The following XRN1 variants were observed in gnomAD, a reference collection of about 807,000 sequenced individuals.
XRN1 encodes the protein strand-exchange protein 1 homolog.
In XRN1, 67 loss-of-function variants were observed where a neutral mutation model predicts 222.3. That is an observed-to-expected ratio of 0.30 (90% CI 0.25 to 0.37). XRN1 has a LOEUF of 0.37. Among genes scored for constraint, XRN1 ranks in the 10% least tolerant of loss-of-function variants. The pLI is 1.00. For synonymous variants in XRN1, 643 were observed against 652.4 expected (o/e 0.99, Z 0.22); for missense variants, 1,707 against 2,000.2 (o/e 0.85, Z 2.80).
At chr3:142,348,823 G>T (rs527901784) in intron 32 of XRN1, among the ~76,000 whole-genome samples, 30 of 152,094 alleles carry the variant, frequency 2.0e-4, no homozygotes, top group Non-Finnish European at 4.0e-4. Context: ...TTTTTTTGTA[G>T]AGACAGGGAT....
In XRN1 at chr3:142,325,865, G is replaced by A. The variant is rs184928179; in HGVS notation, c.4404+3569C>T. 1.0e-3 allele frequency among the ~76,000 whole-genome samples: 153 copies of A among 152,192 alleles called. 1 individual carries two copies. Among genetic ancestry groups the A allele is most frequent in the African/African-American group, 3.5e-3 (144 of 41,546 alleles). On this transcript the variant is annotated intron_variant, in intron 37 of 40. Coordinates refer to ENST00000392981, the MANE Select transcript of XRN1 (RefSeq NM_001282857.2). Reference sequence around the variant, plus strand: ...GAAAATGGTGAGAGATAAGCACTTAGTTTCATTCCCTTAAATATGGATATC... The same window carrying A: ...GAAAATGGTGAGAGATAAGCACTTAATTTCATTCCCTTAAATATGGATATC...
chr3:142,426,785 A>C lies in XRN1; in HGVS notation c.365T>G (p.Leu122Arg), dbSNP rs567615825. Residue 122 changes from leucine to arginine, a missense_variant, in exon 3 of 41, where the codon CTT becomes CGT. Physicochemically the swap from Leu to Arg is moderately radical, Grantham distance 102. Transcript: ENST00000392981. The part of the protein sequence containing the change: ...IKKAIEKGET[L>R]PTEARFDSNC... ...GGAATCAAATCTGGCCTCTGTAGGAAGAGTTTCTCCCTTCTCTATTGCCTT... is the reference window on the plus strand; with the variant it reads ...GGAATCAAATCTGGCCTCTGTAGGACGAGTTTCTCCCTTCTCTATTGCCTT... The C allele has an allele frequency of 6.2e-7, 1 of 1,613,858 alleles. No homozygotes were observed. The highest frequency in any genetic ancestry group is 1.1e-5 in the South Asian group (1 of 91,070).
intron 1 of XRN1, among the ~76,000 whole-genome samples, chr3:142,439,890 A>G (rs1213483459): frequency 1.3e-5 from 2 of 152,192 alleles, no homozygotes; most frequent in African/African-American, 4.8e-5. Flanking sequence ...TTTAAAAAAG[A>G]TTGTCCAAGT....
chr3:142,364,923 CAT>C, intron 29 of XRN1, 122 bp downstream of exon 29: 1 of 1,009,330 alleles, frequency 9.9e-7, no homozygotes, highest in East Asian at 3.3e-5. Context: ...TTAACTAAAA[CAT>C]AAAAAGATTG....
chr3:142,411,409 T>G (rs979670210), intron 15 of XRN1, among the ~76,000 whole-genome samples: 7 of 152,164 alleles, frequency 4.6e-5, no homozygotes, highest in Admixed American at 1.3e-4. Context: ...TCTATCTTCT[T>G]AAGTTAGAAG....
chr3:142,333,566 A>G (rs919411993), intron 34 of XRN1, among the ~76,000 whole-genome samples: 1 of 152,164 alleles, frequency 6.6e-6, no homozygotes, highest in African/African-American at 2.4e-5. Flanking sequence ...GCAATTATGA[A>G]TATAGGCAAC....
At chr3:142,430,800 G>A (rs955274309) in intron 2 of XRN1, among the ~76,000 whole-genome samples, 2 of 152,168 alleles carry the variant, frequency 1.3e-5, no homozygotes, top group African/African-American at 4.8e-5. Flanking sequence ...TGTTACCCAT[G>A]AACCGGGACA....
intron 39 of XRN1, among the ~76,000 whole-genome samples, chr3:142,313,686 C>G (rs2065134357): frequency 6.6e-6 from 1 of 152,106 alleles, no homozygotes; most frequent in African/African-American, 2.4e-5. Context: ...ATGAAATACA[C>G]ATACACAAAT....
intron 33 of XRN1, among the ~76,000 whole-genome samples, chr3:142,344,231 T>C (rs990675396): frequency 6.6e-6 from 1 of 152,128 alleles, no homozygotes; most frequent in Non-Finnish European, 1.5e-5. Context: ...GAGAACATAA[T>C]TATGTTGTTT....
At chr3:142,445,430 T>C (rs1183472059) in intron 1 of XRN1, among the ~76,000 whole-genome samples, 7 of 152,252 alleles carry the variant, frequency 4.6e-5, no homozygotes, top group Non-Finnish European at 8.8e-5. Flanking sequence ...TAACTTTGTA[T>C]GTAATTTGAT....
chr3:142,402,023 C>T (rs1325603291), intron 18 of XRN1, among the ~76,000 whole-genome samples: 2 of 152,142 alleles, frequency 1.3e-5, no homozygotes, highest in Non-Finnish European at 2.9e-5. Context: ...CCATTTATAA[C>T]TGTGGGCATT....
intron 2 of XRN1, among the ~76,000 whole-genome samples, chr3:142,431,910 ATAAAT>A (rs1284237474): frequency 2.8e-5 from 1 of 35,710 alleles, no homozygotes; most frequent in Non-Finnish European, 4.4e-5. Context: ...TATTATATAT[ATAAAT>A]ATATATAATA....
chr3:142,413,653 T>C (rs2068675697), intron 14 of XRN1, among the ~76,000 whole-genome samples: 1 of 152,226 alleles, frequency 6.6e-6, no homozygotes, highest in South Asian at 2.1e-4. Context: ...ACATGAAATA[T>C]GTTAACCAAA....
chr3:142,442,419 C>T (rs1014037667), intron 1 of XRN1, among the ~76,000 whole-genome samples: 1 of 152,168 alleles, frequency 6.6e-6, no homozygotes, highest in Non-Finnish European at 1.5e-5. Context: ...GGGTAATCCC[C>T]TCCAGGAAAC....
chr3:142,321,104 CCTTTT>C, intron 37 of XRN1, among the ~76,000 whole-genome samples: 1 of 132,582 alleles, frequency 7.5e-6, no homozygotes, highest in South Asian at 2.3e-4. Context: ...TCATCCACTT[CCTTTT>C]TTTTTTTTTT....
chr3:142,375,966 G>A (rs373054857), intron 24 of XRN1, 22 bp from the exon 25 acceptor site: 197 of 1,570,738 alleles, frequency 1.3e-4, no homozygotes, highest in Middle Eastern at 6.8e-4. Context: ...CCACACATGC[G>A]CACACGTGCA....
chr3:142,312,828 CCTT>C (rs1286472991), intron 39 of XRN1, 70 bp from the exon 40 acceptor site: 1 of 1,487,218 alleles, frequency 6.7e-7, no homozygotes, highest in Non-Finnish European at 9.1e-7. Context: ...TTTGAGACCT[CCTT>C]CTGCTAGCCT....
chr3:142,334,391 TA>T (rs1425323549), intron 34 of XRN1, among the ~76,000 whole-genome samples: 2 of 151,870 alleles, frequency 1.3e-5, no homozygotes, highest in Non-Finnish European at 2.9e-5. Context: ...AAAAAATATA[TA>T]TTAAAATATG....
chr3:142,427,884 T>G (rs578211386), intron 2 of XRN1, among the ~76,000 whole-genome samples: 1 of 152,378 alleles, frequency 6.6e-6, no homozygotes, highest in African/African-American at 2.4e-5. Flanking sequence ...TCATCTACTG[T>G]GCCCCACACA....
Sources: allele counts gnomAD v4.1 joint callset (sites outside exome capture counted in the v4.1 genomes callset), GRCh38; gene constraint gnomAD v4.1.1; transcripts MANE v1.5; gene names NCBI Gene and HGNC (gene_info 2026-07-23, HGNC 2026-07-21).